Variants in PLD1 observed in about 807,000 individuals in gnomAD.
PLD1 encodes choline phosphatase 1.
Under a neutral mutation model 137.1 loss-of-function variants are expected in PLD1, and 112 were observed. The observed-to-expected ratio is 0.82, with a 90% CI of 0.70 to 0.96. PLD1 has a LOEUF of 0.96. Ranked by LOEUF, PLD1 falls within the 40% of genes least tolerant of loss-of-function variation. The probability of loss-of-function intolerance (pLI) is 0.00; values close to 1 mark genes in which losing one functional copy is unlikely to be tolerated. For synonymous variants in PLD1, 431 were observed against 454.7 expected, an observed-to-expected ratio of 0.95 and a Z score of 0.66; for missense variants, 1,321 against 1,342.0, an observed-to-expected ratio of 0.98 and a Z score of 0.24.
In PLD1 at chr3:171,605,299, C is replaced by G; in HGVS notation, c.3000G>C (p.Lys1000Asn). The G allele has an allele frequency of 6.4e-7, 1 of 1,558,132 alleles. No homozygotes were observed. The highest frequency in any genetic ancestry group is 8.9e-7 in the Non-Finnish European group (1 of 1,129,032). The stretch of plus-strand genomic sequence containing the variant: ...GAGGAGGGGAATACGTGAACTTCAC[C>G]TTGTCATAAATTGTAGCATTTCGAG... ...TAARNATIYD[K>N]VFRCLPNDEV... is the part of the protein sequence containing the mutation. The change falls in exon 26 of 27, where the codon AAG becomes AAC. Residue 1000 changes from lysine (K) to asparagine (N), a missense_variant and splice_region_variant. Physicochemically the swap from Lys to Asn is moderately conservative, Grantham distance 94 (BLOSUM62 0). Transcript: ENST00000351298.
In PLD1 at chr3:171,758,584, A is replaced by G. The variant is rs544223495; in HGVS notation, c.-31-20502T>C. 2.0e-4 allele frequency among the ~76,000 whole-genome samples: 31 copies of G among 152,354 alleles called. No individual in the cohort carries two copies. The South Asian group carries it at 5.6e-3, about 27-fold the overall frequency. On this transcript the variant is annotated intron_variant, in intron 1 of 26. Transcript: ENST00000351298. ...GCCACACTCTGGAAACAGAATCTGC[A>G]TTTTAACAAAACATCCAAGTGAGCC...
At chr3:171,663,372 G>C (rs1394531541) in intron 19 of PLD1, among the ~76,000 whole-genome samples, 1 of 152,218 alleles carries the variant, frequency 6.6e-6, no homozygotes, top group Non-Finnish European at 1.5e-5. Flanking sequence ...CTATTTACTG[G>C]CTGTTGATCG....
chr3:171,724,285 G>A (rs1432387333), intron 8 of PLD1, among the ~76,000 whole-genome samples: 1 of 152,080 alleles, frequency 6.6e-6, no homozygotes, highest in Non-Finnish European at 1.5e-5. Context: ...AAATATTCTA[G>A]TTTCTCTACA....
intron 1 of PLD1, among the ~76,000 whole-genome samples, chr3:171,782,340 C>T (rs911639190): frequency 6.6e-6 from 1 of 152,114 alleles, no homozygotes; most frequent in Non-Finnish European, 1.5e-5. Flanking sequence ...AGAGGTGGTA[C>T]ATGCATTTTT....
At chr3:171,785,493 C>T (rs1201459877) in intron 1 of PLD1, among the ~76,000 whole-genome samples, 1 of 149,926 alleles carries the variant, frequency 6.7e-6, no homozygotes, top group East Asian at 2.0e-4. Flanking sequence ...GGCTGGAGTG[C>T]ACTGGCATGA....
intron 11 of PLD1, among the ~76,000 whole-genome samples, chr3:171,708,390 G>C (rs1026634653): frequency 3.9e-5 from 6 of 152,140 alleles, no homozygotes; most frequent in Non-Finnish European, 7.4e-5. Context: ...TTTAGAAGAA[G>C]TATATTCACT....
In PLD1 at chr3:171,714,035, CTAT is replaced by C. The variant is rs758820674; in HGVS notation, c.766_768del (p.Ile256del). On this transcript the variant is annotated inframe_deletion, in exon 9 of 27. Coordinates refer to ENST00000351298, the MANE Select transcript of PLD1 (RefSeq NM_002662.5). ...ATATACAATAAAAAGGAATCTTTCACTATTAACCATCTGTAAGAAGGTAGTAAG... is the reference window on the plus strand; with the variant it reads ...ATATACAATAAAAAGGAATCTTTCACTAACCATCTGTAAGAAGGTAGTAAG... The C allele has an allele frequency of 2.3e-5, 36 of 1,598,366 alleles. No homozygotes were observed. The South Asian group carries it at 3.9e-4, about 17-fold the overall frequency.
chr3:171,670,693 A>G (rs1260392389), intron 19 of PLD1, among the ~76,000 whole-genome samples: 1 of 152,186 alleles, frequency 6.6e-6, no homozygotes, highest in African/African-American at 2.4e-5. Context: ...TGTCCTATTT[A>G]TCACTGCCAT....
At position 171,647,665 on chromosome 3, in the gene PLD1, T is replaced by C. The variant is rs563466036; in HGVS notation, c.2430-2642A>G. On this transcript the variant is annotated intron_variant, in intron 21 of 26. Coordinates refer to ENST00000351298, the MANE Select transcript of PLD1 (RefSeq NM_002662.5). ...GGTTTCTCCATGTTGGTCAGGCTGG[T>C]CTCGAACTCCTGACCTCAGGTGATC... 1.1e-4 allele frequency among the ~76,000 whole-genome samples: 16 copies of C among 152,246 alleles called. No homozygotes were observed. The Middle Eastern group carries it at 0.01, about 97-fold the overall frequency.
intron 1 of PLD1, among the ~76,000 whole-genome samples, chr3:171,794,675 C>T (rs1249365337): frequency 2.6e-5 from 2 of 76,908 alleles, no homozygotes; most frequent in Non-Finnish European, 5.3e-5. Context: ...AGGAAATATT[C>T]CTCTAGTATT....
intron 1 of PLD1, among the ~76,000 whole-genome samples, chr3:171,810,168 G>A (rs954529273): frequency 1.3e-5 from 2 of 152,250 alleles, no homozygotes; most frequent in African/African-American, 2.4e-5. Flanking sequence ...GCAAAAGTGC[G>A]TGCCAGAGTT....
chr3:171,781,745 G>T (rs1442703483), intron 1 of PLD1, among the ~76,000 whole-genome samples: 1 of 152,172 alleles, frequency 6.6e-6, no homozygotes, highest in African/African-American at 2.4e-5. Flanking sequence ...CCAAATGCTG[G>T]CAAGGATACA....
intron 1 of PLD1, among the ~76,000 whole-genome samples, chr3:171,773,358 C>G (rs1309688741): frequency 6.6e-6 from 1 of 152,142 alleles, no homozygotes; most frequent in Non-Finnish European, 1.5e-5. Flanking sequence ...CGTTGGGAGG[C>G]CGAGGCGGGT....
chr3:171,738,814 G>C (rs1172271177), intron 1 of PLD1, among the ~76,000 whole-genome samples: 1 of 152,134 alleles, frequency 6.6e-6, no homozygotes, highest in Admixed American at 6.5e-5. Flanking sequence ...TTGCACATCA[G>C]TACCCAGGGC....
intron 1 of PLD1, among the ~76,000 whole-genome samples, chr3:171,742,428 A>G (rs1719847320): frequency 6.6e-6 from 1 of 152,152 alleles, no homozygotes; most frequent in Non-Finnish European, 1.5e-5. Flanking sequence ...AACAACCCAC[A>G]TTCACTCTAT....
At chr3:171,745,940 C>T (rs1019488704) in intron 1 of PLD1, among the ~76,000 whole-genome samples, 6 of 152,222 alleles carry the variant, frequency 3.9e-5, no homozygotes, top group South Asian at 2.1e-4. Context: ...CAGGCCAGCG[C>T]GAGTTCTGGG....
At chr3:171,790,199 C>T (rs1183569127) in intron 1 of PLD1, among the ~76,000 whole-genome samples, 1 of 152,208 alleles carries the variant, frequency 6.6e-6, no homozygotes, top group Non-Finnish European at 1.5e-5. Context: ...TTCAGAGACT[C>T]CAAGCTTCAG....
Position 171,736,895 on chromosome 3 carries a change from C to T in PLD1, c.288+637G>A, listed in dbSNP as rs138043416. Among the ~76,000 whole-genome samples, 682 of 152,326 alleles carry T rather than the reference C, an allele frequency of 4.5e-3. 3 individuals carry two copies. The highest frequency in any genetic ancestry group is 0.016 in the African/African-American group (654 of 41,566). ...GCTACCCTAACAGCTTCTTCTAGTC[C>T]AATCCATTTCAAAGGGCATAACTTT... On this transcript the variant is annotated intron_variant, in intron 3 of 26. Coordinates refer to ENST00000351298, the MANE Select transcript of PLD1 (RefSeq NM_002662.5).
At chr3:171,727,836 A>C (rs149255782) in intron 6 of PLD1, among the ~76,000 whole-genome samples, 210 of 152,332 alleles carry the variant, frequency 1.4e-3, no homozygotes, top group African/African-American at 4.9e-3. Context: ...GTAAAAAAAA[A>C]TTACAAATAT....
Sources: allele counts gnomAD v4.1 joint callset (sites outside exome capture counted in the v4.1 genomes callset), GRCh38; gene constraint gnomAD v4.1.1; transcripts MANE v1.5; gene names NCBI Gene and HGNC (gene_info 2026-07-23, HGNC 2026-07-21).